Variants in LDB3 observed in about 807,000 individuals in gnomAD.
LDB3 encodes the protein LIM domain-binding protein 3.
In LDB3, 49 loss-of-function variants were observed where a neutral mutation model predicts 69.0. The observed-to-expected ratio is 0.71, with a 90% CI of 0.56 to 0.90. The LOEUF (loss-of-function observed/expected upper bound fraction) is 0.90. LDB3 is among the 40% of genes least tolerant of loss of function. The probability of loss-of-function intolerance (pLI) is 0.00; values close to 1 mark genes in which losing one functional copy is unlikely to be tolerated. For missense variants in LDB3, 928 were observed against 974.1 expected, an observed-to-expected ratio of 0.95 and a Z score of 0.63; for synonymous variants, 387 against 396.2, an observed-to-expected ratio of 0.98 and a Z score of 0.28.
chr10:86,711,530 T>C (rs973232511), intron 9 of LDB3, among the ~76,000 whole-genome samples: 2 of 151,576 alleles, frequency 1.3e-5, no homozygotes, highest in African/African-American at 4.8e-5. Context: ...GGCGGCCCCG[T>C]ATGAAGTGGG....
At position 86,718,726 on chromosome 10, in the gene LDB3, G is replaced by A. The variant is rs1385500837; in HGVS notation, c.1858-1G>A. The A allele has an allele frequency of 6.2e-7, 1 of 1,614,180 alleles. No individual in the cohort carries two copies. Among genetic ancestry groups the A allele is most frequent in the African/African-American group, 1.3e-5 (1 of 75,054 alleles). On this transcript the variant is annotated splice_acceptor_variant, in intron 11 of 13. Coordinates refer to ENST00000361373, the MANE Select transcript of LDB3 (RefSeq NM_007078.3). LOFTEE classifies it high-confidence loss of function. The stretch of plus-strand genomic sequence containing the variant: ...TCCTGAGCTTAGGCTCTTTCCCCCA[G>A]GAAGTAATGCATGCCTTGAGACAGA...
chr10:86,706,595 G>A lies in LDB3; in HGVS notation c.961G>A (p.Ala321Thr). 1 of 1,613,158 alleles carries A rather than the reference G, an allele frequency of 6.2e-7. No individual in the cohort carries two copies. The highest frequency in any genetic ancestry group is 8.5e-7 in the Non-Finnish European group (1 of 1,179,964). The change falls in exon 8 of 14, where the codon GCC becomes ACC. Residue 321 changes from alanine to threonine, a missense_variant. Coordinates refer to ENST00000361373, the MANE Select transcript of LDB3 (RefSeq NM_007078.3). ...QATTPLLPAS[A>T]QPPAAASPSA... ...CACCACCCCGCTGCTGCCCGCTTCT[G>A]CCCAGCCACCTGCTGCTGCCTCTCC...
At chr10:86,684,360 G>A (rs150668380) in intron 5 of LDB3, among the ~76,000 whole-genome samples, 1 of 152,366 alleles carries the variant, frequency 6.6e-6, no homozygotes, top group Non-Finnish European at 1.5e-5. Flanking sequence ...AGGAATAAAT[G>A]TCAAAGAAGG....
intron 7 of LDB3, among the ~76,000 whole-genome samples, chr10:86,694,964 C>T (rs1845936383): frequency 6.6e-6 from 1 of 152,206 alleles, no homozygotes; most frequent in South Asian, 2.1e-4. Flanking sequence ...CCTTCTCTTT[C>T]TCCTCCCAAA....
chr10:86,717,420 C>T (rs1846918510), intron 10 of LDB3, among the ~76,000 whole-genome samples: 1 of 152,234 alleles, frequency 6.6e-6, no homozygotes, highest in Non-Finnish European at 1.5e-5. Flanking sequence ...CATAGTCCCA[C>T]TGTTCTGACT....
chr10:86,698,634 A>G (rs976799631), intron 7 of LDB3, among the ~76,000 whole-genome samples: 1 of 152,216 alleles, frequency 6.6e-6, no homozygotes, highest in South Asian at 2.1e-4. Context: ...TATCTGTGAC[A>G]GTGACCTTGT....
At chr10:86,725,092 A>G (rs937849593) in intron 12 of LDB3, among the ~76,000 whole-genome samples, 2 of 152,256 alleles carry the variant, frequency 1.3e-5, no homozygotes, top group African/African-American at 4.8e-5. Flanking sequence ...GAAAAAGCCA[A>G]CTGTGGAAGA....
chr10:86,735,753 T>C lies in LDB3; in HGVS notation c.*2777T>C, dbSNP rs1847609317. The C allele has an allele frequency of 7.9e-6, 1 of 127,172 alleles. No homozygotes were observed. Among genetic ancestry groups the C allele is most frequent in the Non-Finnish European group, 1.6e-5 (1 of 64,182 alleles). The allele number at this position is 127,172 out of a possible 1,614,324, so 7.9% of individuals were successfully genotyped here. A position where few individuals can be genotyped will look rare whatever the true frequency, so the allele number is the denominator to read the frequency against. ...GAGATTATGCCATTGCACTCCAGCC[T>C]GGGCAACAGGAGCGAAACTCCGTTG... On this transcript the variant is annotated 3_prime_UTR_variant, in exon 14 of 14. Transcript: ENST00000361373.
upstream of LDB3, chr10:86,668,431 C>G: frequency 3.6e-6 from 2 of 557,420 alleles, no homozygotes; most frequent in South Asian, 3.9e-5. Flanking sequence ...GGCAGGCTGG[C>G]AGGCACAGTG....
At chr10:86,683,498 G>A (rs747812630) in intron 5 of LDB3, among the ~76,000 whole-genome samples, 2 of 152,224 alleles carry the variant, frequency 1.3e-5, no homozygotes, top group Non-Finnish European at 2.9e-5. Context: ...GAAGTGAGGG[G>A]CCAGGCCCAC....
chr10:86,693,362 C>T (rs529556784), intron 7 of LDB3, among the ~76,000 whole-genome samples: 1 of 152,328 alleles, frequency 6.6e-6, no homozygotes, highest in South Asian at 2.1e-4. Context: ...CTTCCCGGCA[C>T]TGTCTGCCTT....
At chr10:86,710,447 G>A (rs888053851) in intron 9 of LDB3, 3 of 174,574 alleles carry the variant, frequency 1.7e-5, no homozygotes, top group Non-Finnish European at 3.4e-5. Flanking sequence ...AAAATTAGCC[G>A]GGCGTGGTGG....
In LDB3 at chr10:86,699,630, A is replaced by C; in HGVS notation, c.897-6901A>C. ...CACCCCCCAAATAGCCCGTAGCCCA[A>C]TCCCCTGCCCTCTGCACAGGGCCTT... On this transcript the variant is annotated intron_variant, in intron 7 of 13. Coordinates refer to ENST00000361373, the MANE Select transcript of LDB3 (RefSeq NM_007078.3). The surrounding 1 kb of genome is among the most constrained non-coding windows in gnomAD (Gnocchi z 4.9). 2 of 1,338,444 alleles carry C rather than the reference A, an allele frequency of 1.5e-6. No homozygotes were observed. The allele number at this position is 1,338,444 out of a possible 1,614,324, so 82.9% of individuals were successfully genotyped here.
rs876657490 is a variant in LDB3, at chr10:86,726,183, C to T, written c.2025C>T (p.Pro675=). The change falls in exon 13 of 14, where the codon CCC becomes CCT. Residue 675 remains proline, a synonymous_variant. Transcript: ENST00000361373. ...CCAAGTGCCATGGCTGCGATTTCCC[C>T]GTGGAGGCTGGCGACAAGTTTATCG... The part of the protein sequence containing the change: ...FSTKCHGCDF[P]VEAGDKFIEA... 20 of 1,613,944 alleles carry T rather than the reference C, an allele frequency of 1.2e-5. No individual in the cohort carries two copies. Among genetic ancestry groups the T allele is most frequent in the Non-Finnish European group, 1.5e-5 (18 of 1,180,036 alleles).
intron 7 of LDB3, among the ~76,000 whole-genome samples, chr10:86,700,222 C>T (rs1175804905): frequency 6.6e-6 from 1 of 152,118 alleles, no homozygotes; most frequent in Non-Finnish European, 1.5e-5. Context: ...CCACAGGTTC[C>T]GAGCCCAGCT....
intron 2 of LDB3, among the ~76,000 whole-genome samples, chr10:86,672,078 C>T (rs1844513648): frequency 7.3e-6 from 1 of 136,864 alleles, no homozygotes; most frequent in African/African-American, 3.0e-5. Context: ...CACCACTGCA[C>T]TCCATTCTGG....
intron 7 of LDB3, among the ~76,000 whole-genome samples, chr10:86,697,186 C>T (rs1411430299): frequency 1.4e-5 from 2 of 143,532 alleles, no homozygotes; most frequent in East Asian, 2.0e-4. Context: ...TAAAGTTGCT[C>T]TTCCTGATTT....
rs562712346 is a variant in LDB3, at chr10:86,712,426, A to G, written c.1231+2376A>G. On this transcript the variant is annotated intron_variant, in intron 9 of 13. Coordinates refer to ENST00000361373, the MANE Select transcript of LDB3 (RefSeq NM_007078.3). ...CTGTTTACTTGAAAGGGGGCGTACTAAAGCCTGTTTTGCTGCTTGGGGAGT... is the reference window on the plus strand; with the variant it reads ...CTGTTTACTTGAAAGGGGGCGTACTGAAGCCTGTTTTGCTGCTTGGGGAGT... 2.6e-4 allele frequency among the ~76,000 whole-genome samples: 40 copies of G among 152,284 alleles called. No homozygotes were observed. In the Middle Eastern group the frequency reaches 0.014, roughly 52 times the overall value.
chr10:86,726,377 G>A (rs193128684), intron 13 of LDB3, 125 bp downstream of exon 13: 1 of 744,096 alleles, frequency 1.3e-6, no homozygotes, highest in African/African-American at 1.7e-5. Context: ...ATTTTTAAAA[G>A]CTGGCAAACA....
Sources: gnomAD v4.1 joint callset for allele counts (sites outside exome capture counted in the v4.1 genomes callset) on GRCh38, gnomAD v4.1.1 for gene constraint, Gnocchi (gnomAD v3.1) non-coding constraint, MANE v1.5 for transcripts, NCBI Gene and HGNC (gene_info 2026-07-23, HGNC 2026-07-21) for gene names.